The following UTS2B variants were observed in gnomAD, a reference collection of about 807,000 sequenced individuals.
UTS2B encodes urotensin-2B.
In UTS2B, 21 loss-of-function variants were observed where a neutral mutation model predicts 19.2. The observed-to-expected ratio is 1.09, with a 90% CI of 0.78 to 1.58. The LOEUF is 1.58. UTS2B is among the 40% of genes most tolerant of loss of function. UTS2B has a pLI of 0.00. For synonymous variants in UTS2B, 57 were observed against 50.2 expected (o/e 1.14, Z -0.58); for missense variants, 138 against 130.3 (o/e 1.06, Z -0.29).
intron 3 of UTS2B, among the ~76,000 whole-genome samples, chr3:191,307,386 C>T (rs2108599356): frequency 6.6e-6 from 1 of 152,084 alleles, no homozygotes; most frequent in South Asian, 2.1e-4. Flanking sequence ...AAACCTAAGG[C>T]AAAATTATAT....
chr3:191,283,688 G>T (rs1165468440), intron 4 of UTS2B, among the ~76,000 whole-genome samples: 1 of 152,124 alleles, frequency 6.6e-6, no homozygotes, highest in Non-Finnish European at 1.5e-5. Flanking sequence ...TCTAGTAATT[G>T]AAAGGCAAAA....
At chr3:191,314,145 G>T (rs1214440156) in intron 3 of UTS2B, among the ~76,000 whole-genome samples, 4 of 152,112 alleles carry the variant, frequency 2.6e-5, no homozygotes, top group Non-Finnish European at 4.4e-5. Flanking sequence ...CGAGTTTCAA[G>T]AACTCTCTCT....
intron 4 of UTS2B, among the ~76,000 whole-genome samples, chr3:191,290,673 C>G (rs1716688827): frequency 2.0e-5 from 3 of 152,128 alleles, no homozygotes; most frequent in Admixed American, 2.0e-4. Flanking sequence ...TTTTCAATAG[C>G]AATACTTTAA....
At chr3:191,292,686 A>G (rs1166208359) in intron 4 of UTS2B, among the ~76,000 whole-genome samples, 1 of 152,114 alleles carries the variant, frequency 6.6e-6, no homozygotes, top group Non-Finnish European at 1.5e-5. Context: ...CTCCAGTACA[A>G]TGTTGAATAA....
chr3:191,283,190 T>C (rs1029780328), intron 4 of UTS2B, among the ~76,000 whole-genome samples: 5 of 152,224 alleles, frequency 3.3e-5, no homozygotes, highest in Non-Finnish European at 7.3e-5. Flanking sequence ...AATTACTTAG[T>C]TTGATATTTA....
the UTS2B span, among the ~76,000 whole-genome samples, chr3:191,343,375 T>C: frequency 7.9e-5 from 12 of 152,358 alleles, no homozygotes; most frequent in African/African-American, 2.9e-4. Context: ...GCAATAAATA[T>C]TCACTGAATA....
At chr3:191,338,209 A>G in the UTS2B span, among the ~76,000 whole-genome samples, 7 of 152,186 alleles carry the variant, frequency 4.6e-5, no homozygotes, top group Middle Eastern at 3.2e-3. Context: ...GGAGGAGTCC[A>G]TGATTGACTT....
intron 4 of UTS2B, among the ~76,000 whole-genome samples, chr3:191,284,634 AT>A (rs957730993): frequency 6.0e-5 from 9 of 150,772 alleles, no homozygotes; most frequent in African/African-American, 2.2e-4. Flanking sequence ...AAAATGAATA[AT>A]CAGGGCCAGG....
intron 4 of UTS2B, among the ~76,000 whole-genome samples, chr3:191,285,855 C>T (rs1488814353): frequency 7.2e-5 from 11 of 151,896 alleles, no homozygotes; most frequent in South Asian, 2.1e-4. Flanking sequence ...GCCAAGATCA[C>T]GCCACTGCAC....
In UTS2B at chr3:191,286,654, A is replaced by G. The variant is rs182802023; in HGVS notation, c.-124-4341T>C. On this transcript the variant is annotated intron_variant, in intron 4 of 8. Coordinates refer to ENST00000340524, the MANE Select transcript of UTS2B (RefSeq NM_198152.5). ...GGAAAGTCTGTACCAATAAATGCCT[A>G]TATTAAAAAAAAAGAAAAGATCCCA... 7.4e-3 allele frequency among the ~76,000 whole-genome samples: 1,121 copies of G among 151,692 alleles called. 13 individuals carry two copies. The highest frequency in any genetic ancestry group is 0.026 in the African/African-American group (1,076 of 41,144).
intron 2 of UTS2B, among the ~76,000 whole-genome samples, chr3:191,325,487 T>C (rs1318236418): frequency 1.3e-5 from 2 of 152,044 alleles, no homozygotes; most frequent in Non-Finnish European, 2.9e-5. Context: ...ACAAAGGAGA[T>C]ATGGGGAATT....
At chr3:191,339,947 G>A in the UTS2B span, among the ~76,000 whole-genome samples, 2,942 of 152,304 alleles carry the variant, frequency 0.019, 52 homozygotes, top group Non-Finnish European at 0.028. Context: ...GAAATCAGCA[G>A]CAGCAATGAA....
intron 6 of UTS2B, among the ~76,000 whole-genome samples, chr3:191,277,110 T>C (rs1463052981): frequency 6.6e-6 from 1 of 152,166 alleles, no homozygotes; most frequent in Admixed American, 6.5e-5. Flanking sequence ...TAGCATGACC[T>C]ATTATTTAGA....
intron 2 of UTS2B, among the ~76,000 whole-genome samples, chr3:191,316,956 G>A (rs1205395934): frequency 2.0e-5 from 3 of 152,246 alleles, no homozygotes; most frequent in East Asian, 3.9e-4. Flanking sequence ...TTAGCCTAGC[G>A]GATCCCACGC....
chr3:191,334,596 A>G (rs918895832), upstream of UTS2B, among the ~76,000 whole-genome samples: 5 of 152,156 alleles, frequency 3.3e-5, no homozygotes, highest in Admixed American at 6.5e-5. Context: ...GAATTGGCAC[A>G]TTGGGGCCTA....
chr3:191,325,406 G>C, intron 2 of UTS2B, among the ~76,000 whole-genome samples: 1 of 152,136 alleles, frequency 6.6e-6, no homozygotes, highest in East Asian at 1.9e-4. Context: ...TAATTTAGAG[G>C]GCTCTTGGAA....
At chr3:191,315,306 C>A (rs1288923401) in intron 3 of UTS2B, among the ~76,000 whole-genome samples, 1 of 152,200 alleles carries the variant, frequency 6.6e-6, no homozygotes, top group Non-Finnish European at 1.5e-5. Context: ...AGCCACCACG[C>A]CCGGCCTACT....
At chr3:191,289,083 G>A (rs1414477225) in intron 4 of UTS2B, among the ~76,000 whole-genome samples, 2 of 152,070 alleles carry the variant, frequency 1.3e-5, no homozygotes, top group African/African-American at 2.4e-5. Flanking sequence ...AGAACTACCA[G>A]ATGATCCAGC....
At chr3:191,330,835 T>TA (rs1030978539), upstream of UTS2B, among the ~76,000 whole-genome samples, 1 of 152,180 alleles carries the variant, frequency 6.6e-6, no homozygotes, top group Non-Finnish European at 1.5e-5. Flanking sequence ...TTTCAAGCAC[T>TA]AGGAGACTAG....
Sources: allele counts gnomAD v4.1 joint callset (sites outside exome capture counted in the v4.1 genomes callset), GRCh38; gene constraint gnomAD v4.1.1; transcripts MANE v1.5; gene names NCBI Gene and HGNC (gene_info 2026-07-23, HGNC 2026-07-21).